The following GTF2IRD2B variants were observed in gnomAD, a reference collection of about 807,000 sequenced individuals.
GTF2IRD2B encodes GTF2I repeat domain containing 2B.
Under a neutral mutation model 55.6 loss-of-function variants are expected in GTF2IRD2B, and 10 were observed. The observed-to-expected ratio is 0.18, with a 90% CI of 0.11 to 0.31. The LOEUF (loss-of-function observed/expected upper bound fraction) is 0.31, where lower values mean the gene tolerates loss of function less well. Among genes scored for constraint, GTF2IRD2B ranks in the 10% least tolerant of loss-of-function variants. GTF2IRD2B has a pLI of 1.00. For missense variants in GTF2IRD2B, 206 were observed against 802.7 expected (o/e 0.26, Z 8.98); for synonymous variants, 107 against 320.5 (o/e 0.33, Z 7.12).
chr7:75,148,872 C>G lies in GTF2IRD2B; in HGVS notation c.2425C>G (p.Leu809Val), dbSNP rs1584554939. Reference sequence around the variant, plus strand: ...GAATAATCTGGCCCACTTTCCCACCCTGAAATTGGTTTCCAGAAATGAAAG... The same window carrying G: ...GAATAATCTGGCCCACTTTCCCACCGTGAAATTGGTTTCCAGAAATGAAAG... Reference protein sequence around the residue: ...TRNNLAHFPTLKLVSRNESDG... With the variant: ...TRNNLAHFPTVKLVSRNESDG... The change falls in exon 16 of 16, where the codon CTG (leucine) becomes GTG (valine). Residue 809 changes from leucine to valine, a missense_variant. Coordinates refer to ENST00000472837, the MANE Select transcript of GTF2IRD2B (RefSeq NM_001003795.3). The G allele has an allele frequency of 6.2e-7, 1 of 1,606,436 alleles. No homozygotes were observed. Among genetic ancestry groups the G allele is most frequent in the Non-Finnish European group, 8.5e-7 (1 of 1,173,160 alleles).
intron 1 of GTF2IRD2B, among the ~76,000 whole-genome samples, chr7:75,102,992 A>C (rs1195475582): frequency 3.3e-5 from 5 of 150,488 alleles, no homozygotes; most frequent in Non-Finnish European, 7.4e-5. Flanking sequence ...TATATATAAA[A>C]TAAGGCTGGG....
chr7:75,123,052 C>T, intron 4 of GTF2IRD2B, 84 bp from the exon 5 acceptor site: 2 of 1,566,336 alleles, frequency 1.3e-6, no homozygotes, highest in South Asian at 1.2e-5. Flanking sequence ...TCTGTTTCTA[C>T]AAAACAAAAA....
chr7:75,106,705 T>A (rs1392634647), intron 1 of GTF2IRD2B, among the ~76,000 whole-genome samples: 10 of 93,970 alleles, frequency 1.1e-4, no homozygotes, highest in African/African-American at 3.5e-4. Flanking sequence ...GAATTTGAGA[T>A]CAGCCTTGGC....
At chr7:75,130,139 TTC>T (rs1808624647) in intron 8 of GTF2IRD2B, among the ~76,000 whole-genome samples, 1 of 110,944 alleles carries the variant, frequency 9.0e-6, no homozygotes, top group Admixed American at 1.0e-4. Flanking sequence ...CTTTCTTTCT[TTC>T]TTTCTTTCCT....
chr7:75,130,070 T>C, intron 8 of GTF2IRD2B, among the ~76,000 whole-genome samples: 1 of 143,922 alleles, frequency 6.9e-6, no homozygotes, highest in African/African-American at 2.5e-5. Flanking sequence ...ACAAACCATC[T>C]CCCTGGTTTT....
Position 75,149,278 on chromosome 7 carries a change from T to C in GTF2IRD2B, c.2831T>C (p.Val944Ala), listed in dbSNP as rs1809256648. Residue 944 changes from valine (V) to alanine (A), a missense_variant, in exon 16 of 16, where the codon GTA becomes GCA. Coordinates refer to ENST00000472837, the MANE Select transcript of GTF2IRD2B (RefSeq NM_001003795.3). ...TTAAAGGATTCCCAGTGGGATTCTG[T>C]ACTCCACATCGCAACGTGATGGAGA... is the stretch of plus-strand genomic sequence containing the variant. Reference protein sequence around the residue: ...SQLKDSQWDSVLHIAT With the variant: ...SQLKDSQWDSALHIAT The C allele has an allele frequency of 1.3e-6, 1 of 757,940 alleles. No individual in the cohort carries two copies. The highest frequency in any genetic ancestry group is 2.4e-6 in the Non-Finnish European group (1 of 410,492). The allele number at this position is 757,940 out of a possible 1,614,324, so 47.0% of individuals were successfully genotyped here.
chr7:75,114,079 G>A (rs1808061858), intron 3 of GTF2IRD2B, among the ~76,000 whole-genome samples: 1 of 150,006 alleles, frequency 6.7e-6, no homozygotes, highest in Non-Finnish European at 1.5e-5. Context: ...TATATAGATA[G>A]ATTAGATGAA....
intron 3 of GTF2IRD2B, 121 bp from the exon 4 acceptor site, chr7:75,120,770 A>C: frequency 6.6e-7 from 1 of 1,520,252 alleles, no homozygotes; most frequent in Non-Finnish European, 8.9e-7. Context: ...TTTTCTTTAA[A>C]AGATCTTGTT....
At position 75,112,070 on chromosome 7, in the gene GTF2IRD2B, C is replaced by CT. The variant is rs587635922; in HGVS notation, c.100-327_100-326insT. 2.5e-4 allele frequency among the ~76,000 whole-genome samples: 6 copies of CT among 24,112 alleles called. 3 individuals are homozygous for CT. The highest frequency in any genetic ancestry group is 5.4e-3 in the East Asian group (2 of 368). The allele number at this position is 24,112 out of a possible 152,430, so 15.8% of individuals were successfully genotyped here. A position where few individuals can be genotyped will look rare whatever the true frequency, so the allele number is the denominator to read the frequency against. ...CATCCTGGCTAACACGGTGAAACCC[C>CT]GTCTCTACTAAAAATACACACACAC... On this transcript the variant is annotated intron_variant, in intron 2 of 15. Transcript: ENST00000472837.
upstream of GTF2IRD2B, chr7:75,092,573 AAAAGGGGGGG>A (rs1807273216): frequency 6.8e-6 from 1 of 148,092 alleles, no homozygotes; most frequent in African/African-American, 2.5e-5. Flanking sequence ...AAAAGGGGGG[AAAAGGGGGGG>A]AAAGAAAGAA....
At position 75,123,761 on chromosome 7, in the gene GTF2IRD2B, C is replaced by T. The variant is rs1303378117; in HGVS notation, c.571+245C>T. 3 of 583,746 alleles carry T rather than the reference C, an allele frequency of 5.1e-6. No homozygotes were observed. The Admixed American group carries it at 7.7e-5, about 15-fold the overall frequency. The allele number at this position is 583,746 out of a possible 1,614,324, so 36.2% of individuals were successfully genotyped here. On this transcript the variant is annotated intron_variant, in intron 6 of 15. Coordinates refer to ENST00000472837, the MANE Select transcript of GTF2IRD2B (RefSeq NM_001003795.3). ...GGCGTGGTGGCGGGCGCCTGTAGTC[C>T]CAGCTACTCGGGAGTCTGAGGCAGG...
At chr7:75,114,619 C>T (rs2115739858) in intron 3 of GTF2IRD2B, among the ~76,000 whole-genome samples, 1 of 151,850 alleles carries the variant, frequency 6.6e-6, no homozygotes, top group South Asian at 2.1e-4. Flanking sequence ...GTCTATTGTT[C>T]CCATCCCCAT....
rs1317388765 is a variant in GTF2IRD2B, at chr7:75,112,629, T to C, written c.238+94T>C. 2.7e-5 allele frequency: 38 copies of C among 1,433,286 alleles called. 2 individuals are homozygous for C. The highest frequency in any genetic ancestry group is 3.5e-5 in the Non-Finnish European group (36 of 1,037,138). 88.8% of individuals were successfully genotyped at this position (1,433,286 alleles called of 1,614,324 possible). On this transcript the variant is annotated intron_variant, in intron 3 of 15. Coordinates refer to ENST00000472837, the MANE Select transcript of GTF2IRD2B (RefSeq NM_001003795.3). ...TTTTCTTCTAAGCTATCATAAGCAT[T>C]CTCCTAGAAACGATCCTAACACATC... is the stretch of plus-strand genomic sequence containing the variant.
At chr7:75,109,448 C>T (rs1482240655) in intron 2 of GTF2IRD2B, among the ~76,000 whole-genome samples, 2 of 136,156 alleles carry the variant, frequency 1.5e-5, no homozygotes, top group African/African-American at 5.0e-5. Flanking sequence ...AAGCAATTCT[C>T]CTGCCTCAGC....
At chr7:75,132,508 C>T (rs1479943524) in intron 8 of GTF2IRD2B, among the ~76,000 whole-genome samples, 5 of 147,112 alleles carry the variant, frequency 3.4e-5, no homozygotes, top group African/African-American at 5.4e-5. Context: ...TAAGCTCTCC[C>T]GCCTTCACGA....
chr7:75,130,065 C>T (rs1808616184), intron 8 of GTF2IRD2B, among the ~76,000 whole-genome samples: 2 of 143,682 alleles, frequency 1.4e-5, no homozygotes, highest in South Asian at 4.7e-4. Context: ...CAAAAACAAA[C>T]CATCTCCCTG....
At chr7:75,113,280 TGTGA>T (rs1808026334) in intron 3 of GTF2IRD2B, among the ~76,000 whole-genome samples, 2 of 21,362 alleles carry the variant, frequency 9.4e-5, no homozygotes, top group Admixed American at 1.1e-3. Context: ...AAGCATCCAG[TGTGA>T]GTGAGTATAT....
Position 75,092,623 on chromosome 7 carries a change from G to C in GTF2IRD2B, c.-148G>C. 1 of 153,250 alleles carries C rather than the reference G, an allele frequency of 6.5e-6. No individual in the cohort carries two copies. Among genetic ancestry groups the C allele is most frequent in the Non-Finnish European group, 1.5e-5 (1 of 68,386 alleles). 9.5% of individuals were successfully genotyped at this position (153,250 alleles called of 1,614,324 possible). A position where few individuals can be genotyped will look rare whatever the true frequency, so the allele number is the denominator to read the frequency against. On this transcript the variant is annotated 5_prime_UTR_variant, in exon 1 of 16. Transcript: ENST00000472837. ...AAAAAGGAGGGCGAGTGGCGAGCAG[G>C]GGCCTCGGCCGCCACCCACACGCCC...
intron 11 of GTF2IRD2B, among the ~76,000 whole-genome samples, chr7:75,138,033 CTGTGCTG>C (rs1808903717): frequency 1.0e-5 from 1 of 99,888 alleles, no homozygotes; most frequent in Admixed American, 1.1e-4. Flanking sequence ...TGGGCCTCAA[CTGTGCTG>C]TGTTCACGTG....
Sources: allele counts gnomAD v4.1 joint callset (sites outside exome capture counted in the v4.1 genomes callset), GRCh38; gene constraint gnomAD v4.1.1; transcripts MANE v1.5; gene names NCBI Gene and HGNC (gene_info 2026-07-23, HGNC 2026-07-21).